The following DPYSL5 variants were observed in gnomAD, a reference collection of about 807,000 sequenced individuals.
DPYSL5 encodes dihydropyrimidinase-related protein 5.
DPYSL5 carries 9 observed loss-of-function variants against 58.4 expected under a neutral mutation model. The observed-to-expected ratio is 0.15, with a 90% confidence interval of 0.09 to 0.27. The LOEUF (loss-of-function observed/expected upper bound fraction) is 0.27. Ranked by LOEUF, DPYSL5 falls within the 10% of genes least tolerant of loss-of-function variation. The pLI, the probability that DPYSL5 is intolerant of heterozygous loss-of-function variation, is 1.00. For missense variants in DPYSL5, 499 were observed against 770.6 expected, an observed-to-expected ratio of 0.65 and a Z score of 4.17; for synonymous variants, 293 against 301.9, an observed-to-expected ratio of 0.97 and a Z score of 0.31.
chr2:26,939,709 C>A, intron 8 of DPYSL5: 1 of 273,970 alleles, frequency 3.7e-6, no homozygotes, highest in Non-Finnish European at 7.1e-6. Context: ...GAGAGTAGAA[C>A]TACCTCCACC....
intron 2 of DPYSL5, among the ~76,000 whole-genome samples, chr2:26,903,207 T>A (rs1012540587): frequency 6.6e-6 from 1 of 152,086 alleles, no homozygotes; most frequent in South Asian, 2.1e-4. Flanking sequence ...GTAGCTGAGA[T>A]TACAGGTGCA....
At chr2:26,932,259 A>G (rs1665054214) in intron 6 of DPYSL5, among the ~76,000 whole-genome samples, 1 of 152,142 alleles carries the variant, frequency 6.6e-6, no homozygotes, top group African/African-American at 2.4e-5. Flanking sequence ...ATGCAGCCCC[A>G]TTCTGCTCTG....
chr2:26,906,457 C>T (rs1251077235), intron 2 of DPYSL5, among the ~76,000 whole-genome samples: 1 of 152,178 alleles, frequency 6.6e-6, no homozygotes, highest in Non-Finnish European at 1.5e-5. Context: ...GCTGGGATTA[C>T]AGGCGTTAGC....
chr2:26,904,620 G>A (rs927999151), intron 2 of DPYSL5, among the ~76,000 whole-genome samples: 5 of 152,120 alleles, frequency 3.3e-5, no homozygotes, highest in East Asian at 3.9e-4. Flanking sequence ...ATGCATGAAC[G>A]TGCCAGGCGC....
chr2:26,864,199 C>T (rs1045380388), intron 1 of DPYSL5, among the ~76,000 whole-genome samples: 6 of 152,206 alleles, frequency 3.9e-5, no homozygotes, highest in Non-Finnish European at 8.8e-5. Flanking sequence ...GGGCCCAGAT[C>T]GCTCCACTGC....
At chr2:26,910,258 A>ATG (rs563575515) in intron 2 of DPYSL5, among the ~76,000 whole-genome samples, 68 of 152,320 alleles carry the variant, frequency 4.5e-4, no homozygotes, top group African/African-American at 1.6e-3. Flanking sequence ...CGGAAGTGGA[A>ATG]TGTGTCTGTT....
In DPYSL5 at chr2:26,934,742, G is replaced by C; in HGVS notation, c.947+8G>C. On this transcript the variant is annotated splice_region_variant and intron_variant, in intron 8 of 12. Transcript: ENST00000288699. The surrounding 1 kb of genome is among the most constrained non-coding windows in gnomAD (Gnocchi z 4.3). ...CATGAGCCTGCTGGCCAAGTAAGGCGTTTCAGCAGCACATTGCAGGGATGT... is the reference window on the plus strand; with the variant it reads ...CATGAGCCTGCTGGCCAAGTAAGGCCTTTCAGCAGCACATTGCAGGGATGT... 1.9e-6 allele frequency: 3 copies of C among 1,613,972 alleles called. No homozygotes were observed. Among genetic ancestry groups the C allele is most frequent in the Non-Finnish European group, 2.5e-6 (3 of 1,179,906 alleles).
At chr2:26,856,908 ATAATATATG>A (rs1665893118) in intron 1 of DPYSL5, among the ~76,000 whole-genome samples, 1 of 147,936 alleles carries the variant, frequency 6.8e-6, no homozygotes. Context: ...ATATACATAT[ATAATATATG>A]TAATAAATAT....
In DPYSL5 at chr2:26,947,086, T is replaced by C. The variant is rs978175026; in HGVS notation, c.*91T>C. On this transcript the variant is annotated 3_prime_UTR_variant, in exon 13 of 13. Coordinates refer to ENST00000288699, the MANE Select transcript of DPYSL5 (RefSeq NM_020134.4). The surrounding 1 kb of genome is among the most constrained non-coding windows in gnomAD (Gnocchi z 4.2). ...GCTGCAGGGGCAGGAGAGGCTGGGC[T>C]GGGTGGCACACCACCCGAGGGGGGC... 1.8e-5 allele frequency: 21 copies of C among 1,179,988 alleles called. No homozygotes were observed. The Admixed American group carries it at 2.5e-4, about 14-fold the overall frequency. The allele number at this position is 1,179,988 out of a possible 1,614,324, so 73.1% of individuals were successfully genotyped here.
At chr2:26,911,688 T>C (rs1438936756) in intron 2 of DPYSL5, among the ~76,000 whole-genome samples, 1 of 152,186 alleles carries the variant, frequency 6.6e-6, no homozygotes, top group East Asian at 1.9e-4. Flanking sequence ...GGGATTAAAC[T>C]TTTCCTGGAC....
intron 2 of DPYSL5, among the ~76,000 whole-genome samples, chr2:26,918,316 A>C (rs114919377): frequency 6.6e-5 from 10 of 151,986 alleles, no homozygotes; most frequent in Non-Finnish European, 1.5e-4. Flanking sequence ...TACATGCATC[A>C]CCTCACTTGA....
intron 2 of DPYSL5, among the ~76,000 whole-genome samples, chr2:26,900,462 A>G (rs1249790612): frequency 7.9e-5 from 12 of 152,336 alleles, no homozygotes; most frequent in African/African-American, 2.4e-4. Flanking sequence ...AATATACCAC[A>G]TAGCAATTAT....
intron 1 of DPYSL5, among the ~76,000 whole-genome samples, chr2:26,897,815 C>A (rs1030840842): frequency 1.3e-5 from 2 of 152,192 alleles, no homozygotes; most frequent in African/African-American, 2.4e-5. Flanking sequence ...AAATCTGCAT[C>A]TCTGGGGGTG....
rs1663432300 is a variant in DPYSL5 at position 26,877,104 on chromosome 2, T to A, written c.-4-21392T>A. On this transcript the variant is annotated intron_variant, in intron 1 of 12. Coordinates refer to ENST00000288699, the MANE Select transcript of DPYSL5 (RefSeq NM_020134.4). The surrounding 1 kb of genome is among the most constrained non-coding windows in gnomAD (Gnocchi z 4.1). ...GCCTCAGCCTCCCGAGTAGCTGGGATTATAGGCGCCTGCCACCAAGCCCGG... is the reference window on the plus strand; with the variant it reads ...GCCTCAGCCTCCCGAGTAGCTGGGAATATAGGCGCCTGCCACCAAGCCCGG... Among the ~76,000 whole-genome samples the A allele has an allele frequency of 6.6e-6, 1 of 151,060 alleles. No homozygotes were observed. The highest frequency in any genetic ancestry group is 1.5e-5 in the Non-Finnish European group (1 of 67,756).
chr2:26,934,818 A>G lies in DPYSL5; in HGVS notation c.947+84A>G. ...AGGGCCCAGGAAACAAATCTGAGCT[A>G]GGTTTGATTTCATTGTGCCCATAGG... On this transcript the variant is annotated intron_variant, in intron 8 of 12. Transcript: ENST00000288699. The surrounding 1 kb of genome is among the most constrained non-coding windows in gnomAD (Gnocchi z 4.3). The G allele has an allele frequency of 2.0e-6, 3 of 1,535,860 alleles. No individual in the cohort carries two copies. The highest frequency in any genetic ancestry group is 1.2e-5 in the South Asian group (1 of 82,142).
At position 26,924,988 on chromosome 2, in the gene DPYSL5, C is replaced by A. The variant is rs1465875913; in HGVS notation, c.363C>A (p.Asp121Glu). The change falls in exon 3 of 13, where the codon GAC becomes GAA. Residue 121 changes from aspartate to glutamate, a missense_variant. Around this residue, in one of 3 missense-constraint regions of DPYSL5, gnomAD observed 404 missense variants for 647.6 expected, o/e 0.62. Transcript: ENST00000288699. This position sits in a 1 kb window ranked among gnomAD's most constrained non-coding sequence, Gnocchi z 4.7. Reference sequence around the variant, plus strand: ...ATGAGAAGTGCCGAGGTCTGGCCGACCCCAAGGTCTGCTGTGATTACGCCC... The same window carrying A: ...ATGAGAAGTGCCGAGGTCTGGCCGAACCCAAGGTCTGCTGTGATTACGCCC... ...DAYEKCRGLA[D>E]PKVCCDYALH... is the part of the protein sequence containing the mutation. 1.2e-6 allele frequency: 2 copies of A among 1,614,192 alleles called. No individual in the cohort carries two copies. Among genetic ancestry groups the A allele is most frequent in the Admixed American group, 1.7e-5 (1 of 60,028 alleles).
intron 6 of DPYSL5, among the ~76,000 whole-genome samples, chr2:26,932,173 A>AAGAC (rs1197619184): frequency 2.2e-4 from 16 of 72,142 alleles, no homozygotes; most frequent in African/African-American, 6.5e-4. Flanking sequence ...GAAAGAAAGA[A>AAGAC]AGAAAGAAAG....
chr2:26,873,531 G>T (rs1663325567), intron 1 of DPYSL5, among the ~76,000 whole-genome samples: 1 of 152,142 alleles, frequency 6.6e-6, no homozygotes, highest in Non-Finnish European at 1.5e-5. Context: ...CAGTGCACTG[G>T]ATAGCTCCCA....
intron 5 of DPYSL5, among the ~76,000 whole-genome samples, chr2:26,929,127 G>C (rs1474029022): frequency 6.6e-6 from 1 of 152,154 alleles, no homozygotes; most frequent in Non-Finnish European, 1.5e-5. Flanking sequence ...TCATAGAAGT[G>C]TGAAGCCTAT....
Sources: allele counts gnomAD v4.1 joint callset (sites outside exome capture counted in the v4.1 genomes callset), GRCh38; gene constraint gnomAD v4.1.1; regional missense constraint gnomAD v4.1.1; non-coding constraint Gnocchi (gnomAD v3.1); transcripts MANE v1.5; gene names NCBI Gene and HGNC (gene_info 2026-07-23, HGNC 2026-07-21).